The following SMIM24 variants were observed in gnomAD, a reference collection of about 807,000 sequenced individuals.
SMIM24 encodes small integral membrane protein 24.
SMIM24 carries 6 observed loss-of-function variants against 10.8 expected under a neutral mutation model. The observed-to-expected ratio is 0.55, with a 90% CI of 0.30 to 1.09. The LOEUF (loss-of-function observed/expected upper bound fraction) is 1.09. SMIM24 is among the 50% of genes least tolerant of loss of function. The pLI, the probability that SMIM24 is intolerant of heterozygous loss-of-function variation, is 0.06. For synonymous variants in SMIM24, 71 were observed against 62.4 expected (o/e 1.14, Z -0.65); for missense variants, 151 against 153.4 (o/e 0.98, Z 0.08).
chr19:3,477,638 G>A (rs1459300521), intron 3 of SMIM24, among the ~76,000 whole-genome samples: 3 of 146,002 alleles, frequency 2.1e-5, no homozygotes, highest in Non-Finnish European at 1.5e-5. Context: ...GGGTGAATGG[G>A]TGAGTGGGTG....
rs1305076772 is a variant in SMIM24, at chr19:3,474,678, C to A, written c.*165G>T. 1 of 821,730 alleles carries A rather than the reference C, an allele frequency of 1.2e-6. No homozygotes were observed. Among genetic ancestry groups the A allele is most frequent in the Admixed American group, 3.1e-5 (1 of 32,720 alleles). The allele number at this position is 821,730 out of a possible 1,614,324, so 50.9% of individuals were successfully genotyped here. A position where few individuals can be genotyped will look rare whatever the true frequency, so the allele number is the denominator to read the frequency against. On this transcript the variant is annotated 3_prime_UTR_variant, in exon 4 of 4. Coordinates refer to ENST00000215531, the MANE Select transcript of SMIM24 (RefSeq NM_001136503.2). ...TGAAAACCATGTTTGCCCAGAGAGC[C>A]CCCAATGAGGGAGGTGGGGTGGGTT...
At chr19:3,477,264 GTGAGTGGA>G (rs1282063175) in intron 3 of SMIM24, among the ~76,000 whole-genome samples, 3 of 95,914 alleles carry the variant, frequency 3.1e-5, no homozygotes, top group Non-Finnish European at 6.4e-5. Flanking sequence ...TGGGGGATGG[GTGAGTGGA>G]TGGATGGATG....
intron 1 of SMIM24, among the ~76,000 whole-genome samples, chr19:3,479,541 A>G: frequency 1.8e-5 from 2 of 112,770 alleles, no homozygotes; most frequent in South Asian, 3.2e-4. Context: ...TCAGAGTGGG[A>G]GGGGCTTATA....
At chr19:3,479,420 C>T (rs545874861) in intron 1 of SMIM24, among the ~76,000 whole-genome samples, 124 of 131,844 alleles carry the variant, frequency 9.4e-4, no homozygotes, top group African/African-American at 3.2e-3. Context: ...GGGGTTGGGG[C>T]TTACAACAGA....
At chr19:3,478,520 GAAAGGGGGCGGT>G (rs2082802905) in intron 2 of SMIM24, 42 bp from the exon 3 acceptor site, 1 of 1,502,332 alleles carries the variant, frequency 6.7e-7, no homozygotes, top group African/African-American at 1.4e-5. Flanking sequence ...CGGGAGAGGA[GAAAGGGGGCGGT>G]AAAGGGAAGG....
Position 3,474,853 on chromosome 19 carries a change from GT to G in SMIM24, c.382del (p.Thr128GlnfsTer34). 3.9e-6 allele frequency: 6 copies of G among 1,551,374 alleles called. No individual in the cohort carries two copies. Among genetic ancestry groups the G allele is most frequent in the Non-Finnish European group, 5.2e-6 (6 of 1,146,948 alleles). ...GGCAGCCAGGAATCTTCACATGACT[GT>G]GCTCTTTGCTCTCTCATGGTCTCCG... ...EPGDHERAKS[T>X]VM On this transcript the variant is annotated frameshift_variant, in exon 4 of 4. Transcript: ENST00000215531. LOFTEE classifies it high-confidence loss of function.
At position 3,478,410 on chromosome 19, in the gene SMIM24, G is replaced by A; in HGVS notation, c.239+9C>T. On this transcript the variant is annotated intron_variant, in intron 3 of 3. Transcript: ENST00000215531. Reference sequence around the variant, plus strand: ...TCACACAGACCCCCAGCATCCGCACGCATAGTACCTCTGGTCCTGGTATAG... The same window carrying A: ...TCACACAGACCCCCAGCATCCGCACACATAGTACCTCTGGTCCTGGTATAG... 1.0e-5 allele frequency: 16 copies of A among 1,547,098 alleles called. No individual in the cohort carries two copies. The highest frequency in any genetic ancestry group is 1.3e-5 in the Non-Finnish European group (15 of 1,145,246).
At chr19:3,479,084 AG>A (rs917947053) in intron 1 of SMIM24, 155 bp from the exon 2 acceptor site, 2 of 262,564 alleles carry the variant, frequency 7.6e-6, no homozygotes, top group African/African-American at 3.3e-5. Flanking sequence ...TGGATGGCGT[AG>A]GGGGGTCGGG....
intron 3 of SMIM24, among the ~76,000 whole-genome samples, chr19:3,477,305 TGATAGAC>T (rs2122020214): frequency 1.1e-5 from 1 of 92,182 alleles, no homozygotes; most frequent in African/African-American, 4.3e-5. Flanking sequence ...GATGGATGGA[TGATAGAC>T]AGATGGTGGG....
chr19:3,474,723 GAACACTGTA>G lies in SMIM24; in HGVS notation c.*111_*119del, dbSNP rs2082785641. 7.6e-7 allele frequency: 1 copy of G among 1,313,302 alleles called. No homozygotes were observed. Among genetic ancestry groups the G allele is most frequent in the South Asian group, 1.6e-5 (1 of 63,408 alleles). 81.4% of individuals were successfully genotyped at this position (1,313,302 alleles called of 1,614,324 possible). A position where few individuals can be genotyped will look rare whatever the true frequency, so the allele number is the denominator to read the frequency against. ...TGGGTTCCAAGCCTTCTTCACTTGA[GAACACTGTA>G]TTCTGAATCCCAGATGGAGTCATTT... On this transcript the variant is annotated 3_prime_UTR_variant, in exon 4 of 4. Coordinates refer to ENST00000215531, the MANE Select transcript of SMIM24 (RefSeq NM_001136503.2).
intron 3 of SMIM24, among the ~76,000 whole-genome samples, chr19:3,477,474 AATGGATGATGGATGG>A (rs1401101668): frequency 3.2e-5 from 4 of 124,568 alleles, no homozygotes; most frequent in African/African-American, 9.3e-5. Context: ...ATGGGTGATG[AATGGATGATGGATGG>A]ATGGATGATG....
Position 3,474,602 on chromosome 19 carries a change from G to C in SMIM24, c.*241C>G. 1.9e-6 allele frequency: 1 copy of C among 515,438 alleles called. No individual in the cohort carries two copies. The highest frequency in any genetic ancestry group is 3.1e-5 in the South Asian group (1 of 32,270). 31.9% of individuals were successfully genotyped at this position (515,438 alleles called of 1,614,324 possible). ...GTCTCCTCAACCAGGGATGCTCTCC[G>C]AGTATAAGAAGAATCACCAGGCAGG... On this transcript the variant is annotated 3_prime_UTR_variant, in exon 4 of 4. Coordinates refer to ENST00000215531, the MANE Select transcript of SMIM24 (RefSeq NM_001136503.2).
At chr19:3,476,036 T>G (rs750004760) in intron 3 of SMIM24, among the ~76,000 whole-genome samples, 16 of 151,730 alleles carry the variant, frequency 1.1e-4, no homozygotes, top group Non-Finnish European at 1.5e-4. Context: ...GATGGGGGTA[T>G]GCAGAATGGA....
chr19:3,476,761 G>A (rs1277928880), intron 3 of SMIM24, among the ~76,000 whole-genome samples: 1 of 151,942 alleles, frequency 6.6e-6, no homozygotes, highest in Non-Finnish European at 1.5e-5. Flanking sequence ...TGGATGGATG[G>A]ATGGAAGGAT....
chr19:3,478,149 A>C (rs2082801316), intron 3 of SMIM24, among the ~76,000 whole-genome samples: 1 of 152,162 alleles, frequency 6.6e-6, no homozygotes, highest in African/African-American at 2.4e-5. Context: ...ATGTCTCAAA[A>C]TTAGTGAACA....
chr19:3,480,467 G>A lies in SMIM24; in HGVS notation c.-4C>T, dbSNP rs2082814384. 1.0e-5 allele frequency: 16 copies of A among 1,547,454 alleles called. No homozygotes were observed. The highest frequency in any genetic ancestry group is 1.4e-5 in the Non-Finnish European group (16 of 1,145,492). ...GAAGGGCCCCCAGGGTCTCCATGAC[G>A]GTCGAGTGAGCCAGCAGCCAGCCAG... On this transcript the variant is annotated 5_prime_UTR_variant, in exon 1 of 4. Coordinates refer to ENST00000215531, the MANE Select transcript of SMIM24 (RefSeq NM_001136503.2).
At chr19:3,479,083 T>G in intron 1 of SMIM24, 154 bp from the exon 2 acceptor site, 2 of 491,252 alleles carry the variant, frequency 4.1e-6, no homozygotes, top group East Asian at 3.4e-5. Flanking sequence ...CTGGATGGCG[T>G]AGGGGGGTCG....
intron 1 of SMIM24, among the ~76,000 whole-genome samples, 191 bp downstream of exon 1, chr19:3,480,206 C>T (rs989863704): frequency 6.6e-6 from 1 of 150,532 alleles, no homozygotes; most frequent in Non-Finnish European, 1.5e-5. Context: ...TGGGGGGTCC[C>T]TTACAGAGGA....
chr19:3,477,976 C>T (rs560511130), intron 3 of SMIM24, among the ~76,000 whole-genome samples: 48 of 152,042 alleles, frequency 3.2e-4, no homozygotes, highest in Middle Eastern at 3.4e-3. Flanking sequence ...CCAGGTGGGT[C>T]GCCCATACCT....
Sources: gnomAD v4.1 joint callset for allele counts (sites outside exome capture counted in the v4.1 genomes callset) on GRCh38, gnomAD v4.1.1 for gene constraint, MANE v1.5 for transcripts, NCBI Gene and HGNC (gene_info 2026-07-23, HGNC 2026-07-21) for gene names.